Variants in HK1 observed in about 807,000 individuals in gnomAD.
The protein encoded by HK1 is hexokinase-1.
In HK1, 28 loss-of-function variants were observed where a neutral mutation model predicts 91.6. The observed-to-expected ratio is 0.31, with a 90% CI of 0.23 to 0.42. The LOEUF (loss-of-function observed/expected upper bound fraction) is 0.42, where lower values mean the gene tolerates loss of function less well. Among genes scored for constraint, HK1 ranks in the 10% least tolerant of loss-of-function variants. The pLI is 1.00. For missense variants in HK1, 770 were observed against 1,219.8 expected (o/e 0.63, Z 5.49); for synonymous variants, 430 against 468.1 (o/e 0.92, Z 1.05).
intron 2 of HK1, among the ~76,000 whole-genome samples, chr10:69,352,453 TTC>T (rs1160214747): frequency 1.3e-5 from 2 of 152,218 alleles, no homozygotes; most frequent in African/African-American, 4.8e-5. Flanking sequence ...TTCTCCCTTG[TTC>T]TCTCTCTTTC....
At chr10:69,312,601 T>G (rs1189055817), upstream of HK1, among the ~76,000 whole-genome samples, 1 of 152,122 alleles carries the variant, frequency 6.6e-6, no homozygotes, top group Admixed American at 6.5e-5. Flanking sequence ...AATTCTGTAA[T>G]TCTGCATGAT....
rs758094190 is a variant in HK1 at position 69,368,644 on chromosome 10, G to C, written c.591+13G>C. On this transcript the variant is annotated intron_variant, in intron 5 of 17. Transcript: ENST00000359426. Reference sequence around the variant, plus strand: ...CAAAAAGCGAGGGGTAATTTCTCCTGGGCCCTCTGCCTCAGCCATGCAGGG... The same window carrying C: ...CAAAAAGCGAGGGGTAATTTCTCCTCGGCCCTCTGCCTCAGCCATGCAGGG... 29 of 1,601,574 alleles carry C rather than the reference G, an allele frequency of 1.8e-5. No homozygotes were observed. The highest frequency in any genetic ancestry group is 2.3e-5 in the Non-Finnish European group (27 of 1,168,616).
intron 14 of HK1, among the ~76,000 whole-genome samples, chr10:69,390,429 G>T (rs896974183): frequency 1.3e-5 from 2 of 152,098 alleles, no homozygotes; most frequent in Non-Finnish European, 2.9e-5. Flanking sequence ...TGATCTCTTT[G>T]CTCAGGACTC....
In HK1 at chr10:69,401,278, A is replaced by G; in HGVS notation, c.*143A>G. 1 of 861,148 alleles carries G rather than the reference A, an allele frequency of 1.2e-6. No individual in the cohort carries two copies. Among genetic ancestry groups the G allele is most frequent in the South Asian group, 1.4e-5 (1 of 69,272 alleles). 53.3% of individuals were successfully genotyped at this position (861,148 alleles called of 1,614,324 possible). ...AGGAAAGCAAAATCCAACTAATGGT[A>G]TATATTGTAGGGTACAGAATAGAGC... On this transcript the variant is annotated 3_prime_UTR_variant, in exon 18 of 18. Coordinates refer to ENST00000359426, the MANE Select transcript of HK1 (RefSeq NM_000188.3).
chr10:69,305,564 AAAG>A (rs1846065907), intron 5 of HK1, among the ~76,000 whole-genome samples: 2 of 152,130 alleles, frequency 1.3e-5, no homozygotes, highest in African/African-American at 2.4e-5. Flanking sequence ...AAAAAAAGAA[AAAG>A]AAGAAGGCTG....
intron 1 of HK1, among the ~76,000 whole-genome samples, chr10:69,334,473 G>A (rs1847879267): frequency 6.6e-6 from 1 of 152,204 alleles, no homozygotes; most frequent in African/African-American, 2.4e-5. Context: ...AGTGCTGAGG[G>A]GAAGGCAGGG....
chr10:69,373,906 T>C (rs1484893757), intron 7 of HK1, among the ~76,000 whole-genome samples: 1 of 152,176 alleles, frequency 6.6e-6, no homozygotes, highest in Non-Finnish European at 1.5e-5. Context: ...GGCTTCTTGC[T>C]CTTCTGCTCT....
chr10:69,292,063 A>G (rs1367000867), intron 3 of HK1, among the ~76,000 whole-genome samples: 1 of 152,056 alleles, frequency 6.6e-6, no homozygotes, highest in East Asian at 1.9e-4. Flanking sequence ...TCCTAGGACC[A>G]TAATTTTTTT....
At chr10:69,326,852 C>A (rs865925410) in intron 1 of HK1, among the ~76,000 whole-genome samples, 9 of 152,096 alleles carry the variant, frequency 5.9e-5, no homozygotes, top group Middle Eastern at 6.3e-3. Flanking sequence ...TCTTTTCATG[C>A]ATGTTTTTAC....
upstream of HK1, among the ~76,000 whole-genome samples, chr10:69,311,117 C>T (rs559838903): frequency 6.6e-6 from 1 of 151,988 alleles, no homozygotes; most frequent in South Asian, 2.1e-4. Flanking sequence ...ATGAAGCCTC[C>T]AGATAGCAGG....
intron 3 of HK1, among the ~76,000 whole-genome samples, chr10:69,361,019 G>A (rs577517469): frequency 2.0e-4 from 28 of 143,466 alleles, no homozygotes; most frequent in African/African-American, 4.7e-4. Context: ...GGTGGACTTC[G>A]AGATGAGACC....
At chr10:69,390,536 A>G (rs1839850599) in intron 14 of HK1, among the ~76,000 whole-genome samples, 1 of 152,112 alleles carries the variant, frequency 6.6e-6, no homozygotes, top group South Asian at 2.1e-4. Flanking sequence ...CTCAGTTTTA[A>G]CCTTGGGTGA....
intron 5 of HK1, 39 bp downstream of exon 5, chr10:69,368,670 G>A (rs1266128645): frequency 6.6e-6 from 10 of 1,512,346 alleles, no homozygotes; most frequent in East Asian, 2.3e-5. Context: ...CCATGCAGGG[G>A]TGTGGGGAGC....
At chr10:69,330,029 C>T (rs1354289845) in intron 1 of HK1, among the ~76,000 whole-genome samples, 2 of 152,190 alleles carry the variant, frequency 1.3e-5, no homozygotes, top group Non-Finnish European at 2.9e-5. Flanking sequence ...CCCAGGAGGG[C>T]AATGCTTAAC....
At chr10:69,321,510 C>G (rs1847027382) in intron 1 of HK1, among the ~76,000 whole-genome samples, 1 of 152,178 alleles carries the variant, frequency 6.6e-6, no homozygotes, top group South Asian at 2.1e-4. Context: ...GCGTGGGCAG[C>G]CATGATGATT....
intron 5 of HK1, among the ~76,000 whole-genome samples, chr10:69,301,534 A>C (rs1301301501): frequency 7.0e-6 from 1 of 143,410 alleles, no homozygotes; most frequent in African/African-American, 2.6e-5. Context: ...AGATCACACC[A>C]GTGTACTCTA....
chr10:69,357,954 A>G (rs1849215210), intron 2 of HK1, among the ~76,000 whole-genome samples: 1 of 152,144 alleles, frequency 6.6e-6, no homozygotes, highest in Non-Finnish European at 1.5e-5. Flanking sequence ...TATACTAAAA[A>G]CCATTGAATT....
intron 2 of HK1, among the ~76,000 whole-genome samples, chr10:69,284,525 C>A (rs1450501295): frequency 6.7e-6 from 1 of 149,534 alleles, no homozygotes; most frequent in African/African-American, 2.5e-5. Context: ...AGGAATCCAG[C>A]TGCTTAAGCC....
At chr10:69,292,243 A>C (rs2132465983) in intron 3 of HK1, 1 of 327,874 alleles carries the variant, frequency 3.0e-6, no homozygotes, top group East Asian at 1.1e-4. Context: ...GCCAGTTTTT[A>C]ATTTTTTTTT....
Sources: gnomAD v4.1 joint callset for allele counts (sites outside exome capture counted in the v4.1 genomes callset) on GRCh38, gnomAD v4.1.1 for gene constraint, MANE v1.5 for transcripts, NCBI Gene and HGNC (gene_info 2026-07-23, HGNC 2026-07-21) for gene names.